The following SMYD1 variants were observed in gnomAD, a reference collection of about 807,000 sequenced individuals.
SMYD1 encodes histone-lysine N-methyltransferase SMYD1.
Under a neutral mutation model 54.0 loss-of-function variants are expected in SMYD1, and 49 were observed. The ratio of observed to expected loss-of-function variants is 0.91; its 90% CI spans 0.72 to 1.15. The LOEUF is 1.15. SMYD1 is among the 50% of genes most tolerant of loss of function. SMYD1 has a pLI of 0.00. For synonymous variants in SMYD1, 269 were observed against 234.2 expected (o/e 1.15, Z -1.36); for missense variants, 653 against 639.6 (o/e 1.02, Z -0.23).
intron 1 of SMYD1, 102 bp downstream of exon 1, chr2:88,068,103 A>G: frequency 2.1e-6 from 3 of 1,443,852 alleles, no homozygotes; most frequent in Non-Finnish European, 2.8e-6. Context: ...GATAAAATTC[A>G]TGTGCTCTTT....
At chr2:88,102,037 A>T (rs1674732837) in intron 6 of SMYD1, among the ~76,000 whole-genome samples, 1 of 152,082 alleles carries the variant, frequency 6.6e-6, no homozygotes, top group Non-Finnish European at 1.5e-5. Flanking sequence ...TACTAACTGT[A>T]GTCATTAGGT....
chr2:88,096,584 C>T lies in SMYD1; in HGVS notation c.699-11C>T, dbSNP rs747885762. ...GGATTCGATTCACCTTTTCCTTTCA[C>T]CCTGCTTCAGAATTGAGCTCCGGGC... On this transcript the variant is annotated splice_polypyrimidine_tract_variant and intron_variant, in intron 5 of 9. Transcript: ENST00000419482. The T allele has an allele frequency of 3.7e-6, 6 of 1,603,366 alleles. No individual in the cohort carries two copies. The highest frequency in any genetic ancestry group is 1.7e-5 in the Admixed American group (1 of 59,014).
chr2:88,077,567 G>C (rs183816712), intron 1 of SMYD1, among the ~76,000 whole-genome samples: 21 of 152,310 alleles, frequency 1.4e-4, no homozygotes, highest in African/African-American at 5.1e-4. Flanking sequence ...AGGAATGTAA[G>C]ACTCGGGAGA....
intron 1 of SMYD1, among the ~76,000 whole-genome samples, chr2:88,076,944 T>G (rs930598056): frequency 1.7e-4 from 26 of 150,710 alleles, no homozygotes; most frequent in African/African-American, 5.9e-4. Context: ...CCCAGGAGTT[T>G]GAGGCTGCAA....
chr2:88,084,318 T>G lies in SMYD1; in HGVS notation c.140T>G (p.Leu47Arg), dbSNP rs142848331. The change falls in exon 2 of 10, where the codon CTT (leucine) becomes CGT (arginine). Residue 47 changes from leucine to arginine, a missense_variant and splice_region_variant. Transcript: ENST00000419482. ...RAYSAVVFDS[L>R]VNFVCHTCFK... Reference sequence around the variant, plus strand: ...GTGTCTTCTTTCTCCATTTCCAGCCTTGTTAATTTTGTGTGCCACACCTGC... The same window carrying G: ...GTGTCTTCTTTCTCCATTTCCAGCCGTGTTAATTTTGTGTGCCACACCTGC... The G allele has an allele frequency of 5.8e-6, 9 of 1,564,868 alleles. No individual in the cohort carries two copies. Among genetic ancestry groups the G allele is most frequent in the East Asian group, 4.6e-5 (2 of 43,892 alleles).
At chr2:88,096,014 G>A (rs1674577748) in intron 5 of SMYD1, among the ~76,000 whole-genome samples, 1 of 152,200 alleles carries the variant, frequency 6.6e-6, no homozygotes, top group African/African-American at 2.4e-5. Context: ...TAAGCTAACA[G>A]AGCCAGCCTT....
rs560492564 is a variant in SMYD1, at chr2:88,107,740, G to T, written c.1146-631G>T. Among the ~76,000 whole-genome samples, 40 of 152,334 alleles carry T rather than the reference G, an allele frequency of 2.6e-4. No homozygotes were observed. The South Asian group carries it at 6.4e-3, about 24-fold the overall frequency. ...GCTCCATGGGTGTAGGACCCTCCGA[G>T]CGAGGCGTGGGATATAATCTCCTGG... is the stretch of plus-strand genomic sequence containing the variant. On this transcript the variant is annotated intron_variant, in intron 8 of 9. Transcript: ENST00000419482.
intron 7 of SMYD1, among the ~76,000 whole-genome samples, chr2:88,104,877 G>A (rs538723572): frequency 6.6e-6 from 1 of 152,314 alleles, no homozygotes; most frequent in South Asian, 2.1e-4. Flanking sequence ...CTGACTCCAG[G>A]ACGATTGCGG....
chr2:88,084,110 CA>C (rs555005304), intron 1 of SMYD1, among the ~76,000 whole-genome samples: 2,096 of 143,728 alleles, frequency 0.015, 45 homozygotes, highest in African/African-American at 0.049. Context: ...AACTCTGTCT[CA>C]AAAAAAAAAA....
chr2:88,106,596 A>T (rs1674876634), intron 8 of SMYD1, 108 bp downstream of exon 8: 1 of 1,151,542 alleles, frequency 8.7e-7, no homozygotes, highest in Admixed American at 2.3e-5. Flanking sequence ...TACCCACAGC[A>T]GGCGTCAGTA....
At chr2:88,095,167 A>T (rs1191060294) in intron 5 of SMYD1, among the ~76,000 whole-genome samples, 1 of 152,086 alleles carries the variant, frequency 6.6e-6, no homozygotes, top group African/African-American at 2.4e-5. Context: ...CAGACATAGG[A>T]TTCTAAGCAG....
chr2:88,100,012 C>T (rs1674685177), intron 6 of SMYD1, among the ~76,000 whole-genome samples: 1 of 150,758 alleles, frequency 6.6e-6, no homozygotes, highest in South Asian at 2.1e-4. Flanking sequence ...TCCCCCAGCC[C>T]CTCAGATCCC....
chr2:88,106,633 A>G, intron 8 of SMYD1, 145 bp downstream of exon 8: 1 of 820,296 alleles, frequency 1.2e-6, no homozygotes, highest in Admixed American at 2.8e-5. Context: ...TTTTTGACTG[A>G]GTCTTTTTAT....
chr2:88,090,858 G>A (rs923601728), intron 3 of SMYD1, among the ~76,000 whole-genome samples, 154 bp from the exon 4 acceptor site: 1 of 152,194 alleles, frequency 6.6e-6, no homozygotes, highest in South Asian at 2.1e-4. Context: ...CTGGAGTCAC[G>A]CAGAGAACAG....
intron 1 of SMYD1, among the ~76,000 whole-genome samples, chr2:88,075,828 C>T (rs191517102): frequency 4.6e-4 from 70 of 152,226 alleles, no homozygotes; most frequent in Non-Finnish European, 7.8e-4. Context: ...CAGGTGTAAG[C>T]CACTACCCCA....
chr2:88,091,112 C>T lies in SMYD1; in HGVS notation c.629C>T (p.Pro210Leu), dbSNP rs1476948023. The part of the protein sequence containing the change: ...NLGLVNHDCW[P>L]NCTVIFNNGN... ...GGCCTGGTGAACCATGACTGTTGGCCCAACTGTACTGTCATATTTAACAAT... is the reference window on the plus strand; with the variant it reads ...GGCCTGGTGAACCATGACTGTTGGCTCAACTGTACTGTCATATTTAACAAT... The change falls in exon 4 of 10, where the codon CCC becomes CTC. Residue 210 changes from proline (P) to leucine (L), a missense_variant. Coordinates refer to ENST00000419482, the MANE Select transcript of SMYD1 (RefSeq NM_198274.4). 1.2e-6 allele frequency: 2 copies of T among 1,613,966 alleles called. No homozygotes were observed. Among genetic ancestry groups the T allele is most frequent in the Non-Finnish European group, 1.7e-6 (2 of 1,180,010 alleles).
At chr2:88,103,543 C>T (rs1674775874) in intron 7 of SMYD1, among the ~76,000 whole-genome samples, 1 of 152,100 alleles carries the variant, frequency 6.6e-6, no homozygotes, top group Non-Finnish European at 1.5e-5. Context: ...CAGTCTCTCC[C>T]AAATGAGCAT....
At chr2:88,084,561 C>A in intron 2 of SMYD1, 69 bp downstream of exon 2, 1 of 1,456,990 alleles carries the variant, frequency 6.9e-7, no homozygotes, top group Non-Finnish European at 9.3e-7. Flanking sequence ...GCAGTAACAA[C>A]ATTCCCAGAT....
intron 3 of SMYD1, among the ~76,000 whole-genome samples, chr2:88,090,523 A>G (rs112920443): frequency 2.0e-3 from 299 of 152,356 alleles, no homozygotes; most frequent in Non-Finnish European, 3.3e-3. Context: ...AGCAGGGAAT[A>G]TAAAACTATG....
Sources: gnomAD v4.1 joint callset for allele counts (sites outside exome capture counted in the v4.1 genomes callset) on GRCh38, gnomAD v4.1.1 for gene constraint, MANE v1.5 for transcripts, NCBI Gene and HGNC (gene_info 2026-07-23, HGNC 2026-07-21) for gene names.